Variants in RABL2B observed in about 807,000 individuals in gnomAD.
RABL2B encodes RAB, member of RAS oncogene family like 2B, also known as rab-like protein 2B.
In RABL2B, 17 loss-of-function variants were observed where a neutral mutation model predicts 26.7. The observed-to-expected ratio is 0.64, with a 90% CI of 0.44 to 0.95. The LOEUF (loss-of-function observed/expected upper bound fraction) is 0.95. RABL2B is among the 40% of genes least tolerant of loss of function. The pLI, the probability that RABL2B is intolerant of heterozygous loss-of-function variation, is 0.00. For synonymous variants in RABL2B, 70 were observed against 103.9 expected (o/e 0.67, Z 1.99); for missense variants, 170 against 277.2 (o/e 0.61, Z 2.75).
Position 50,775,451 on chromosome 22 carries a change from T to C in RABL2B, c.297+321A>G, listed in dbSNP as rs150259407. ...AACAGTGGAGGGAGGCCTTGGGAGC[T>C]TGTCTGACAGGTTAGGTCCATCAGA... On this transcript the variant is annotated intron_variant, in intron 5 of 8. Transcript: ENST00000691320. Among the ~76,000 whole-genome samples, 300 of 152,222 alleles carry C rather than the reference T, an allele frequency of 2.0e-3. 2 individuals carry two copies. Among genetic ancestry groups the C allele is most frequent in the African/African-American group, 6.4e-3 (266 of 41,528 alleles).
At chr22:50,770,263 C>A in intron 5 of RABL2B, 1 of 493,002 alleles carries the variant, frequency 2.0e-6, no homozygotes, top group East Asian at 5.0e-5. Context: ...CACCTGTAAT[C>A]CCAGCACTTT....
chr22:50,777,322 C>T (rs534027003), intron 3 of RABL2B, among the ~76,000 whole-genome samples: 1 of 151,708 alleles, frequency 6.6e-6, no homozygotes, highest in African/African-American at 2.4e-5. Context: ...TGTGCAGGAG[C>T]ACTTGGTACA....
At chr22:50,781,459 C>G (rs1285840047) in intron 2 of RABL2B, among the ~76,000 whole-genome samples, 2 of 149,642 alleles carry the variant, frequency 1.3e-5, no homozygotes, top group East Asian at 3.9e-4. Flanking sequence ...GCCTAAAAAC[C>G]AGCAAAGCCC....
At chr22:50,779,047 C>G (rs1212914151) in intron 2 of RABL2B, among the ~76,000 whole-genome samples, 3 of 151,244 alleles carry the variant, frequency 2.0e-5, no homozygotes, top group Non-Finnish European at 2.9e-5. Context: ...GAAAAAGACT[C>G]AAGCTCAGAA....
chr22:50,778,005 G>A (rs2085249585), intron 2 of RABL2B, 24 bp from the exon 3 acceptor site: 1 of 1,613,908 alleles, frequency 6.2e-7, no homozygotes, highest in Admixed American at 1.7e-5. Context: ...AGGCAAGGTG[G>A]TCAGATGGCG....
At chr22:50,774,622 A>T (rs1237281892) in intron 5 of RABL2B, among the ~76,000 whole-genome samples, 1 of 149,724 alleles carries the variant, frequency 6.7e-6, no homozygotes, top group African/African-American at 2.5e-5. Flanking sequence ...GTTGTTTTGT[A>T]CCGCCAAGTT....
At chr22:50,773,143 C>G in intron 5 of RABL2B, 1 of 1,274,790 alleles carries the variant, frequency 7.8e-7, no homozygotes, top group Non-Finnish European at 1.0e-6. Context: ...GCTCAAAATA[C>G]CAAATGCCAC....
intron 1 of RABL2B, among the ~76,000 whole-genome samples, 165 bp from the exon 2 acceptor site, chr22:50,782,512 AAT>A (rs1166530190): frequency 1.3e-5 from 2 of 152,240 alleles, no homozygotes; most frequent in Non-Finnish European, 2.9e-5. Flanking sequence ...AGGCATCAAT[AAT>A]ATGTTATACA....
At chr22:50,769,270 T>C in intron 7 of RABL2B, 146 bp from the exon 8 acceptor site, 2 of 725,340 alleles carry the variant, frequency 2.8e-6, no homozygotes, top group Non-Finnish European at 2.3e-6. Context: ...CACCCTGACC[T>C]ATGTATGGTC....
chr22:50,770,912 T>A lies in RABL2B; in HGVS notation c.298-896A>T, dbSNP rs9616966. On this transcript the variant is annotated intron_variant, in intron 5 of 8. Transcript: ENST00000691320. ...ACGCATTAATTTTTATTTTTTTATTTTTTTTTTTTTGTAGAGGCAGGCTCT... is the reference window on the plus strand; with the variant it reads ...ACGCATTAATTTTTATTTTTTTATTATTTTTTTTTTGTAGAGGCAGGCTCT... 3.2e-3 allele frequency among the ~76,000 whole-genome samples: 309 copies of A among 96,438 alleles called. 3 individuals are homozygous for A. Among genetic ancestry groups the A allele is most frequent in the African/African-American group, 0.015 (224 of 15,016 alleles). 63.3% of individuals were successfully genotyped at this position (96,438 alleles called of 152,430 possible).
At chr22:50,771,626 T>C (rs1341811798) in intron 5 of RABL2B, 3 of 150,892 alleles carry the variant, frequency 2.0e-5, no homozygotes, top group Non-Finnish European at 4.4e-5. Context: ...TGCTTTTTGT[T>C]TTTTGAGATA....
intron 5 of RABL2B, chr22:50,773,140 A>G: frequency 7.8e-7 from 1 of 1,277,806 alleles, no homozygotes; most frequent in Non-Finnish European, 1.0e-6. Context: ...TGAGCTCAAA[A>G]TACCAAATGC....
At chr22:50,782,089 C>T (rs9616980) in intron 2 of RABL2B, 99 bp downstream of exon 2, 1 of 942,562 alleles carries the variant, frequency 1.1e-6, no homozygotes, top group Non-Finnish European at 1.6e-6. Flanking sequence ...TGCTCCTTCA[C>T]CAGCCCCAAG....
intron 4 of RABL2B, among the ~76,000 whole-genome samples, chr22:50,776,416 TCTC>T (rs2084993907): frequency 6.6e-6 from 1 of 152,120 alleles, no homozygotes; most frequent in Non-Finnish European, 1.5e-5. Flanking sequence ...CCCCCTGACT[TCTC>T]CTTTCCTGAA....
rs1555914370 is a variant in RABL2B at position 50,767,526 on chromosome 22, C to T, written c.*1250G>A. The T allele has an allele frequency of 8.9e-6, 3 of 336,112 alleles. No homozygotes were observed. The highest frequency in any genetic ancestry group is 9.0e-5 in the East Asian group (1 of 11,064). 20.8% of individuals were successfully genotyped at this position (336,112 alleles called of 1,614,324 possible). A position where few individuals can be genotyped will look rare whatever the true frequency, so the allele number is the denominator to read the frequency against. On this transcript the variant is annotated 3_prime_UTR_variant, in exon 9 of 9. Transcript: ENST00000691320. ...CAATGTTTATGTAATTCAGCCTTTACTGTAAAAAAGGAAACAACAAAAACA... is the reference window on the plus strand; with the variant it reads ...CAATGTTTATGTAATTCAGCCTTTATTGTAAAAAAGGAAACAACAAAAACA...
chr22:50,778,925 T>C (rs555750451), intron 2 of RABL2B, among the ~76,000 whole-genome samples: 1 of 149,988 alleles, frequency 6.7e-6, no homozygotes, highest in Non-Finnish European at 1.5e-5. Flanking sequence ...TAGATTTTAT[T>C]TATAACTATA....
chr22:50,776,784 G>A, intron 3 of RABL2B, 35 bp from the exon 4 acceptor site: 4 of 1,581,700 alleles, frequency 2.5e-6, no homozygotes, highest in Non-Finnish European at 3.4e-6. Context: ...TCAATAAAAG[G>A]GGAGGTAAGG....
intron 2 of RABL2B, among the ~76,000 whole-genome samples, chr22:50,780,197 C>G (rs1440439753): frequency 6.6e-6 from 1 of 151,120 alleles, no homozygotes; most frequent in Non-Finnish European, 1.5e-5. Flanking sequence ...TCCAACAGAG[C>G]CCTGAGTGGA....
intron 6 of RABL2B, 107 bp from the exon 7 acceptor site, chr22:50,769,659 A>T: frequency 6.4e-7 from 1 of 1,561,678 alleles, no homozygotes; most frequent in East Asian, 2.2e-5. Flanking sequence ...ATAGGCAGGG[A>T]TGATTGGGAA....
Sources: allele counts gnomAD v4.1 joint callset (sites outside exome capture counted in the v4.1 genomes callset), GRCh38; gene constraint gnomAD v4.1.1; transcripts MANE v1.5; gene names NCBI Gene and HGNC (gene_info 2026-07-23, HGNC 2026-07-21).